Variants in PRKAG2 observed in about 807,000 individuals in gnomAD.
PRKAG2 encodes protein kinase AMP-activated non-catalytic subunit gamma 2.
Under a neutral mutation model 69.6 loss-of-function variants are expected in PRKAG2, and 26 were observed. The ratio of observed to expected loss-of-function variants is 0.37; its 90% confidence interval spans 0.27 to 0.52. PRKAG2 has a LOEUF of 0.52. Among genes scored for constraint, PRKAG2 ranks in the 20% least tolerant of loss-of-function variants. The pLI is 0.90. For synonymous variants in PRKAG2, 293 were observed against 285.0 expected (o/e 1.03, Z -0.28); for missense variants, 557 against 740.0 (o/e 0.75, Z 2.87).
intron 3 of PRKAG2, among the ~76,000 whole-genome samples, chr7:151,725,050 C>T (rs537812494): frequency 7.2e-5 from 11 of 152,202 alleles, no homozygotes; most frequent in East Asian, 1.9e-4. Flanking sequence ...TGCCCCTTCA[C>T]GGGCCAACAG....
At chr7:151,798,090 C>T (rs570877162) in intron 1 of PRKAG2, among the ~76,000 whole-genome samples, 10 of 152,200 alleles carry the variant, frequency 6.6e-5, no homozygotes, top group Admixed American at 3.9e-4. Flanking sequence ...CTGCAACCTC[C>T]GCCTCCTGGG....
intron 2 of PRKAG2, 43 bp downstream of exon 2, chr7:151,786,427 A>T: frequency 6.4e-7 from 1 of 1,554,924 alleles, no homozygotes; most frequent in East Asian, 2.3e-5. Context: ...CCTCCGTGGC[A>T]CCTCAAGTGA....
At chr7:151,746,841 C>T (rs2074314241) in intron 3 of PRKAG2, among the ~76,000 whole-genome samples, 1 of 152,226 alleles carries the variant, frequency 6.6e-6, no homozygotes, top group South Asian at 2.1e-4. Flanking sequence ...CACACCTTGG[C>T]AGAACCTGCT....
chr7:151,774,022 T>A (rs1258686233), intron 3 of PRKAG2, among the ~76,000 whole-genome samples: 1 of 152,138 alleles, frequency 6.6e-6, no homozygotes, highest in African/African-American at 2.4e-5. Context: ...CCAGATTTTG[T>A]CCCGGGGCTG....
intron 3 of PRKAG2, among the ~76,000 whole-genome samples, chr7:151,753,585 T>G (rs1291589293): frequency 6.6e-6 from 1 of 152,186 alleles, no homozygotes; most frequent in Non-Finnish European, 1.5e-5. Context: ...ATTTATTATT[T>G]AATAATTGTT....
intron 1 of PRKAG2, among the ~76,000 whole-genome samples, chr7:151,875,327 C>T (rs2080361148): frequency 6.6e-6 from 1 of 152,182 alleles, no homozygotes; most frequent in South Asian, 2.1e-4. Flanking sequence ...ACGTGTGGGC[C>T]GGAGTTTACA....
rs374374449 is a variant in PRKAG2, at chr7:151,651,213, G to C, written c.685-19075C>G. On this transcript the variant is annotated intron_variant, in intron 4 of 15. Coordinates refer to ENST00000287878, the MANE Select transcript of PRKAG2 (RefSeq NM_016203.4). ...TTTTAGTTATTGTGTAACAAAATGTGTTCCTATTTGGAAGATCTGCATTAG... is the reference window on the plus strand; with the variant it reads ...TTTTAGTTATTGTGTAACAAAATGTCTTCCTATTTGGAAGATCTGCATTAG... Among the ~76,000 whole-genome samples the C allele has an allele frequency of 5.9e-5, 9 of 152,172 alleles. No homozygotes were observed. The East Asian group carries it at 1.2e-3, about 20-fold the overall frequency.
rs548899716 is a variant in PRKAG2, at chr7:151,833,277, G to A, written c.114+43230C>T. Among the ~76,000 whole-genome samples, 180 of 152,314 alleles carry A rather than the reference G, an allele frequency of 1.2e-3. 1 individual carries two copies. Among genetic ancestry groups the A allele is most frequent in the African/African-American group, 4.1e-3 (169 of 41,566 alleles). ...ATTGGAAGCTGGGACAGAGCACCCC[G>A]GGCAGGAGGGTAGCCAGTGCAAAGG... On this transcript the variant is annotated intron_variant, in intron 1 of 15. Coordinates refer to ENST00000287878, the MANE Select transcript of PRKAG2 (RefSeq NM_016203.4).
chr7:151,624,477 G>A (rs918395399), intron 5 of PRKAG2, among the ~76,000 whole-genome samples: 1 of 152,048 alleles, frequency 6.6e-6, no homozygotes, highest in African/African-American at 2.4e-5. Context: ...AGATTAAAAA[G>A]TGACTAAAAT....
rs1804472603 is a variant in PRKAG2 at position 151,559,577 on chromosome 7, T to A, written c.1678+947A>T. On this transcript the variant is annotated intron_variant, in intron 15 of 15. Coordinates refer to ENST00000287878, the MANE Select transcript of PRKAG2 (RefSeq NM_016203.4). ...GCTGTACTGGAATTTCTCTTGGTGT[T>A]CTCATTTAGCGAATAAGACATGTTT... The A allele has an allele frequency of 7.1e-6, 7 of 985,184 alleles. No homozygotes were observed. The South Asian group carries it at 3.3e-4, about 46-fold the overall frequency. 61.0% of individuals were successfully genotyped at this position (985,184 alleles called of 1,614,324 possible).
chr7:151,561,433 T>A (rs891886166), intron 14 of PRKAG2, among the ~76,000 whole-genome samples: 3 of 152,226 alleles, frequency 2.0e-5, no homozygotes, highest in African/African-American at 7.2e-5. Flanking sequence ...AAGGGTTTTA[T>A]TTTCTGCAGT....
At chr7:151,610,590 T>C (rs1002441375) in intron 5 of PRKAG2, among the ~76,000 whole-genome samples, 1 of 149,832 alleles carries the variant, frequency 6.7e-6, no homozygotes. Context: ...GGCAGGAGAA[T>C]TGCTTGAACC....
chr7:151,672,066 G>A (rs184176591), intron 4 of PRKAG2, among the ~76,000 whole-genome samples: 21 of 148,586 alleles, frequency 1.4e-4, no homozygotes, highest in African/African-American at 5.2e-4. Context: ...TTGTTGCCCT[G>A]GGATTACAGG....
At chr7:151,580,493 A>G (rs1046229429) in intron 6 of PRKAG2, among the ~76,000 whole-genome samples, 3 of 152,214 alleles carry the variant, frequency 2.0e-5, no homozygotes, top group African/African-American at 7.2e-5. Context: ...CAGAGTAATG[A>G]TATCCTGTGG....
At chr7:151,566,401 G>C (rs1044002584) in intron 11 of PRKAG2, among the ~76,000 whole-genome samples, 2 of 152,148 alleles carry the variant, frequency 1.3e-5, no homozygotes, top group Admixed American at 1.3e-4. Flanking sequence ...TCCTTGGAGA[G>C]CTCCAATTTT....
chr7:151,827,310 C>G (rs1296271469), intron 1 of PRKAG2, among the ~76,000 whole-genome samples: 1 of 152,184 alleles, frequency 6.6e-6, no homozygotes, highest in Non-Finnish European at 1.5e-5. Flanking sequence ...GCAATCTCAG[C>G]TCACTGCAAC....
At chr7:151,845,974 A>G (rs948169985) in intron 1 of PRKAG2, among the ~76,000 whole-genome samples, 1 of 152,182 alleles carries the variant, frequency 6.6e-6, no homozygotes, top group Non-Finnish European at 1.5e-5. Context: ...GGGGGCTAGC[A>G]GGGTCTGGAG....
intron 3 of PRKAG2, among the ~76,000 whole-genome samples, chr7:151,755,039 C>A (rs922010943): frequency 6.6e-6 from 1 of 152,116 alleles, no homozygotes; most frequent in Non-Finnish European, 1.5e-5. Context: ...GATGGAGACC[C>A]CGTGAAGCCC....
At chr7:151,742,247 C>T (rs550800441) in intron 3 of PRKAG2, among the ~76,000 whole-genome samples, 15 of 152,194 alleles carry the variant, frequency 9.9e-5, no homozygotes, top group Non-Finnish European at 1.6e-4. Flanking sequence ...TCCAGAGGAC[C>T]GCTGTGGACT....
Sources: allele counts gnomAD v4.1 joint callset (sites outside exome capture counted in the v4.1 genomes callset), GRCh38; gene constraint gnomAD v4.1.1; transcripts MANE v1.5; gene names NCBI Gene and HGNC (gene_info 2026-07-23, HGNC 2026-07-21).